CEP112: variants seen among roughly 807,000 people sequenced by gnomAD.
The protein encoded by CEP112 is centrosomal protein 112.
A neutral mutation model predicts 153.0 loss-of-function variants in CEP112; 127 were observed. The observed-to-expected ratio is 0.83, with a 90% CI of 0.72 to 0.96. CEP112 has a LOEUF of 0.96. Among genes scored for constraint, CEP112 ranks in the 40% least tolerant of loss-of-function variants. The pLI is 0.00. For synonymous variants in CEP112, 358 were observed against 374.4 expected (o/e 0.96, Z 0.51); for missense variants, 1,089 against 1,101.2 (o/e 0.99, Z 0.16).
At chr17:66,140,323 C>T (rs548558786) in intron 4 of CEP112, among the ~76,000 whole-genome samples, 1 of 152,074 alleles carries the variant, frequency 6.6e-6, no homozygotes, top group Non-Finnish European at 1.5e-5. Context: ...GCATAATACT[C>T]GAACAGTGAA....
chr17:65,778,859 G>A (rs1166177632), intron 21 of CEP112, among the ~76,000 whole-genome samples: 2 of 152,080 alleles, frequency 1.3e-5, no homozygotes, highest in Non-Finnish European at 2.9e-5. Context: ...ATCTTTCAGG[G>A]TGCAGTGACT....
intron 20 of CEP112, among the ~76,000 whole-genome samples, chr17:65,858,391 GATT>G (rs1368744204): frequency 6.6e-6 from 1 of 152,034 alleles, no homozygotes; most frequent in Non-Finnish European, 1.5e-5. Flanking sequence ...AATTATATTA[GATT>G]ATTTAGTTTC....
intron 4 of CEP112, among the ~76,000 whole-genome samples, chr17:66,144,473 A>G (rs1348262959): frequency 6.6e-6 from 1 of 152,140 alleles, no homozygotes; most frequent in East Asian, 1.9e-4. Context: ...CAGGCAGATC[A>G]CCTGAGGTCA....
chr17:66,085,530 T>C (rs534399336), intron 8 of CEP112, among the ~76,000 whole-genome samples: 1 of 152,274 alleles, frequency 6.6e-6, no homozygotes, highest in South Asian at 2.1e-4. Context: ...CCATTTGTTA[T>C]AGAAAAATAC....
At chr17:66,104,897 C>T (rs935226395) in intron 6 of CEP112, among the ~76,000 whole-genome samples, 54 of 152,046 alleles carry the variant, frequency 3.6e-4, no homozygotes, top group African/African-American at 1.2e-3. Context: ...TTCTTTGATC[C>T]GAAAGGAAAG....
chr17:66,035,120 G>A (rs1015178958), intron 12 of CEP112, among the ~76,000 whole-genome samples: 5 of 150,238 alleles, frequency 3.3e-5, no homozygotes, highest in African/African-American at 7.3e-5. Context: ...GATTACAAGC[G>A]TGTGCCACCA....
chr17:65,768,646 T>C (rs546700995), intron 21 of CEP112, among the ~76,000 whole-genome samples: 2 of 142,158 alleles, frequency 1.4e-5, no homozygotes, highest in South Asian at 4.7e-4. Context: ...GCTGGTTTAA[T>C]ATACACAAAT....
chr17:65,683,202 T>C (rs2144270307), intron 24 of CEP112, among the ~76,000 whole-genome samples: 1 of 152,346 alleles, frequency 6.6e-6, no homozygotes, highest in Non-Finnish European at 1.5e-5. Flanking sequence ...ACAATTACCA[T>C]GGAGACCGTC....
Position 65,857,387 on chromosome 17 carries a change from T to A in CEP112, c.2164-5353A>T, listed in dbSNP as rs189350726. 9.2e-5 allele frequency among the ~76,000 whole-genome samples: 14 copies of A among 152,318 alleles called. No individual in the cohort carries two copies. The East Asian group carries it at 2.5e-3, about 27-fold the overall frequency. Reference sequence around the variant, plus strand: ...CATTATTGCTAAGAAGGGTTAATGATCATCTAAGCCATTCTTAAGTCCTAA... The same window carrying A: ...CATTATTGCTAAGAAGGGTTAATGAACATCTAAGCCATTCTTAAGTCCTAA... On this transcript the variant is annotated intron_variant, in intron 20 of 26. Coordinates refer to ENST00000535342, the MANE Select transcript of CEP112 (RefSeq NM_001199165.4).
At chr17:65,791,707 G>C (rs2054602325) in intron 21 of CEP112, among the ~76,000 whole-genome samples, 1 of 152,126 alleles carries the variant, frequency 6.6e-6, no homozygotes, top group Non-Finnish European at 1.5e-5. Flanking sequence ...AATCAAGACT[G>C]CTTAGTGTGC....
At chr17:65,992,585 C>T (rs985514327) in intron 17 of CEP112, among the ~76,000 whole-genome samples, 11 of 152,102 alleles carry the variant, frequency 7.2e-5, no homozygotes, top group Non-Finnish European at 1.2e-4. Flanking sequence ...CTGCTTACTC[C>T]AGGGACTGAA....
chr17:66,042,854 T>C (rs2066044327), intron 12 of CEP112, among the ~76,000 whole-genome samples: 1 of 152,070 alleles, frequency 6.6e-6, no homozygotes, highest in Non-Finnish European at 1.5e-5. Context: ...AAAAAAAGTG[T>C]CTATTTTTAA....
In CEP112 at chr17:66,116,218, T is replaced by C. The variant is rs866979396; in HGVS notation, c.642+13528A>G. ...CAGCAGATACAGTGCTTACCTATAA[T>C]TGTGAGAGCTCTGTATCTACCATTA... On this transcript the variant is annotated intron_variant, in intron 6 of 26. Transcript: ENST00000535342. Among the ~76,000 whole-genome samples, 13 of 152,346 alleles carry C rather than the reference T, an allele frequency of 8.5e-5. 1 individual carries two copies. In the Middle Eastern group the frequency reaches 0.01, roughly 120 times the overall value.
At chr17:65,642,845 G>T (rs912579191) in intron 24 of CEP112, among the ~76,000 whole-genome samples, 1 of 152,060 alleles carries the variant, frequency 6.6e-6, no homozygotes, top group Non-Finnish European at 1.5e-5. Context: ...ACTCAACACT[G>T]GTTCTGAAAG....
At position 65,799,991 on chromosome 17, in the gene CEP112, C is replaced by T. The variant is rs548697553; in HGVS notation, c.2395-49267G>A. ...TACAGGTGAGTCATACATAATTCCTCGGAAACTAAGAATAAGAAACTTGTC... is the reference window on the plus strand; with the variant it reads ...TACAGGTGAGTCATACATAATTCCTTGGAAACTAAGAATAAGAAACTTGTC... On this transcript the variant is annotated intron_variant, in intron 21 of 26. Transcript: ENST00000535342. Among the ~76,000 whole-genome samples the T allele has an allele frequency of 7.2e-5, 11 of 152,274 alleles. No individual in the cohort carries two copies. In the East Asian group the frequency reaches 7.7e-4, roughly 11 times the overall value.
At chr17:66,011,838 T>C (rs2064542262) in intron 16 of CEP112, among the ~76,000 whole-genome samples, 1 of 152,228 alleles carries the variant, frequency 6.6e-6, no homozygotes, top group Admixed American at 6.5e-5. Flanking sequence ...CTCTCATCAT[T>C]ATTCTGTGGT....
chr17:65,913,728 T>C, intron 19 of CEP112: 1 of 985,428 alleles, frequency 1.0e-6, no homozygotes, highest in Middle Eastern at 5.2e-4. Flanking sequence ...CAGCCAACCA[T>C]CAACAGCCAG....
intron 18 of CEP112, among the ~76,000 whole-genome samples, chr17:65,944,586 T>C (rs2061595410): frequency 6.6e-6 from 1 of 152,144 alleles, no homozygotes; most frequent in Non-Finnish European, 1.5e-5. Context: ...CTATTTTTTT[T>C]TTGTTTTTGT....
At chr17:66,055,162 G>A (rs1598247736) in intron 11 of CEP112, among the ~76,000 whole-genome samples, 1 of 152,128 alleles carries the variant, frequency 6.6e-6, no homozygotes, top group Non-Finnish European at 1.5e-5. Flanking sequence ...GAAGGACAGG[G>A]AAAACCTGTG....
Sources: gnomAD v4.1 joint callset for allele counts (sites outside exome capture counted in the v4.1 genomes callset) on GRCh38, gnomAD v4.1.1 for gene constraint, MANE v1.5 for transcripts, NCBI Gene and HGNC (gene_info 2026-07-23, HGNC 2026-07-21) for gene names.